Variants in ADGRB3 observed in about 807,000 individuals in gnomAD.
The protein encoded by ADGRB3 is adhesion G protein-coupled receptor B3.
Under a neutral mutation model 193.4 loss-of-function variants are expected in ADGRB3, and 37 were observed. The ratio of observed to expected loss-of-function variants is 0.19; its 90% CI spans 0.15 to 0.25. The LOEUF (loss-of-function observed/expected upper bound fraction) is 0.25. ADGRB3 is among the 10% of genes least tolerant of loss of function. The probability of loss-of-function intolerance (pLI) is 1.00; values close to 1 mark genes in which losing one functional copy is unlikely to be tolerated. For synonymous variants in ADGRB3, 690 were observed against 644.2 expected (o/e 1.07, Z -1.08); for missense variants, 1,637 against 1,852.9 (o/e 0.88, Z 2.14).
At chr6:69,006,857 C>G (rs1488369214) in intron 11 of ADGRB3, among the ~76,000 whole-genome samples, 1 of 151,936 alleles carries the variant, frequency 6.6e-6, no homozygotes, top group African/African-American at 2.4e-5. Flanking sequence ...ATTTATTTCT[C>G]TTCTTATGAA....
chr6:68,766,051 A>G (rs1297727217), intron 3 of ADGRB3, among the ~76,000 whole-genome samples: 1 of 151,850 alleles, frequency 6.6e-6, no homozygotes, highest in African/African-American at 2.4e-5. Flanking sequence ...TCATGCGTGG[A>G]TGTATTTAAT....
rs138791210 is a variant in ADGRB3, at chr6:69,147,669, A to G, written c.2480+71631A>G. On this transcript the variant is annotated intron_variant, in intron 17 of 31. Transcript: ENST00000370598. ...TATCTATTAAGTCCATTTGGGCTAT[A>G]TTGAAGCTGAGTCTGGTGTTTTCTT... Among the ~76,000 whole-genome samples, 4 of 152,302 alleles carry G rather than the reference A, an allele frequency of 2.6e-5. No individual in the cohort carries two copies. The East Asian group carries it at 5.8e-4, about 22-fold the overall frequency.
At position 68,884,246 on chromosome 6, in the gene ADGRB3, C is replaced by T. The variant is rs117778248; in HGVS notation, c.758-46313C>T. 4.3e-4 allele frequency among the ~76,000 whole-genome samples: 65 copies of T among 152,274 alleles called. 1 individual carries two copies. The East Asian group carries it at 0.012, about 27-fold the overall frequency. ...ACTTCGTTCATGTAAGGCACAGTGC[C>T]AGGCACGGGGATGTGTCAGGAGAGT... On this transcript the variant is annotated intron_variant, in intron 3 of 31. Coordinates refer to ENST00000370598, the MANE Select transcript of ADGRB3 (RefSeq NM_001704.3).
rs1767918350 is a variant in ADGRB3 at position 68,635,318 on chromosome 6, A to G, written c.-870A>G. 1 of 150,824 alleles carries G rather than the reference A, an allele frequency of 6.6e-6. No individual in the cohort carries two copies. Among genetic ancestry groups the G allele is most frequent in the South Asian group, 2.1e-4 (1 of 4,754 alleles). 9.3% of individuals were successfully genotyped at this position (150,824 alleles called of 1,614,324 possible). On this transcript the variant is annotated 5_prime_UTR_variant, in exon 1 of 32. Coordinates refer to ENST00000370598, the MANE Select transcript of ADGRB3 (RefSeq NM_001704.3). ...GCGCGCACACCCGAGACAGAGCTTT[A>G]CTATCTCGCTCCCTCTCGCGCCTCC...
chr6:68,992,832 A>C (rs1769273854), intron 10 of ADGRB3, among the ~76,000 whole-genome samples: 1 of 152,172 alleles, frequency 6.6e-6, no homozygotes, highest in Non-Finnish European at 1.5e-5. Context: ...TCTTGATGGG[A>C]AATTGGTAAT....
chr6:68,732,267 C>T (rs950908279), intron 3 of ADGRB3, among the ~76,000 whole-genome samples: 3 of 151,562 alleles, frequency 2.0e-5, no homozygotes, highest in Non-Finnish European at 2.9e-5. Flanking sequence ...TTTCATTGCC[C>T]AAGTATTAAG....
At chr6:69,219,492 T>TATAC (rs1364575476) in intron 17 of ADGRB3, among the ~76,000 whole-genome samples, 10 of 141,590 alleles carry the variant, frequency 7.1e-5, no homozygotes, top group Non-Finnish European at 1.1e-4. Context: ...TATATATATA[T>TATAC]ACGTGTGTGT....
intron 17 of ADGRB3, among the ~76,000 whole-genome samples, chr6:69,095,747 C>T (rs910835176): frequency 3.3e-5 from 5 of 152,064 alleles, no homozygotes; most frequent in Non-Finnish European, 7.4e-5. Flanking sequence ...AACTGAGATG[C>T]GTACTGAAAT....
At chr6:69,155,023 A>G (rs1424672195) in intron 17 of ADGRB3, among the ~76,000 whole-genome samples, 1 of 152,214 alleles carries the variant, frequency 6.6e-6, no homozygotes, top group African/African-American at 2.4e-5. Context: ...TTGAAAATGC[A>G]TTTTGCCCAC....
intron 17 of ADGRB3, among the ~76,000 whole-genome samples, chr6:69,214,216 CGT>C: frequency 6.6e-6 from 1 of 152,056 alleles, no homozygotes; most frequent in East Asian, 1.9e-4. Context: ...TTTGAAAACT[CGT>C]TAGTTCCCTT....
chr6:68,738,386 T>A (rs1429396839), intron 3 of ADGRB3, among the ~76,000 whole-genome samples: 1 of 152,010 alleles, frequency 6.6e-6, no homozygotes, highest in East Asian at 1.9e-4. Flanking sequence ...TTATCTGACA[T>A]ACATTTTAAA....
rs1269350697 is a variant in ADGRB3 at position 68,661,323 on chromosome 6, G to GTA, written c.757+21892_757+21893insAT. Among the ~76,000 whole-genome samples, 189 of 111,034 alleles carry GTA rather than the reference G, an allele frequency of 1.7e-3. 1 individual carries two copies. The highest frequency in any genetic ancestry group is 8.2e-3 in the Middle Eastern group (2 of 244). The allele number at this position is 111,034 out of a possible 152,430, so 72.8% of individuals were successfully genotyped here. The stretch of plus-strand genomic sequence containing the variant: ...TATATATATGTGTGTGTGTGTGTGT[G>GTA]TGTATATATATATATATATGTGTGT... On this transcript the variant is annotated intron_variant, in intron 3 of 31. Coordinates refer to ENST00000370598, the MANE Select transcript of ADGRB3 (RefSeq NM_001704.3).
intron 17 of ADGRB3, among the ~76,000 whole-genome samples, chr6:69,152,080 C>T (rs1017553796): frequency 7.2e-5 from 11 of 152,194 alleles, no homozygotes; most frequent in African/African-American, 2.7e-4. Context: ...GTCAATTAAA[C>T]CTCTTTCCTT....
intron 24 of ADGRB3, among the ~76,000 whole-genome samples, chr6:69,333,561 T>C (rs1317464060): frequency 2.6e-5 from 4 of 152,082 alleles, no homozygotes; most frequent in Non-Finnish European, 5.9e-5. Context: ...TTATTCATAA[T>C]TTTCACACTT....
chr6:69,151,128 G>T (rs1774666212), intron 17 of ADGRB3, among the ~76,000 whole-genome samples: 1 of 152,198 alleles, frequency 6.6e-6, no homozygotes, highest in Non-Finnish European at 1.5e-5. Context: ...TCACCAGGTT[G>T]CATGCCCCAC....
chr6:69,320,671 T>C (rs1327414961), intron 20 of ADGRB3, among the ~76,000 whole-genome samples: 1 of 151,880 alleles, frequency 6.6e-6, no homozygotes. Context: ...ACTGCCTTCT[T>C]GTACCCTGGG....
At chr6:68,968,891 C>A (rs1185680810) in intron 8 of ADGRB3, among the ~76,000 whole-genome samples, 1 of 151,990 alleles carries the variant, frequency 6.6e-6, no homozygotes, top group East Asian at 1.9e-4. Flanking sequence ...TGTACATTAA[C>A]TAAAATCAAA....
chr6:69,278,684 G>A (rs1315418145), intron 20 of ADGRB3, among the ~76,000 whole-genome samples: 1 of 152,108 alleles, frequency 6.6e-6, no homozygotes, highest in Non-Finnish European at 1.5e-5. Context: ...AAGAACCAGA[G>A]CAGTGTCCTG....
intron 3 of ADGRB3, among the ~76,000 whole-genome samples, chr6:68,905,398 A>G (rs1400984422): frequency 6.6e-6 from 1 of 152,218 alleles, no homozygotes; most frequent in Non-Finnish European, 1.5e-5. Context: ...ATTTCTTACT[A>G]TATGAGACAT....
Sources: allele counts gnomAD v4.1 joint callset (sites outside exome capture counted in the v4.1 genomes callset), GRCh38; gene constraint gnomAD v4.1.1; transcripts MANE v1.5; gene names NCBI Gene and HGNC (gene_info 2026-07-23, HGNC 2026-07-21).